ARID1B: variants seen among roughly 807,000 people sequenced by gnomAD.
ARID1B encodes the protein AT-rich interactive domain-containing protein 1B.
A neutral mutation model predicts 212.3 loss-of-function variants in ARID1B; 30 were observed. The observed-to-expected ratio is 0.14, with a 90% CI of 0.11 to 0.19. The LOEUF is 0.19. Ranked by LOEUF, ARID1B falls within the 10% of genes least tolerant of loss-of-function variation. The pLI is 1.00. For synonymous variants in ARID1B, 1,402 were observed against 1,301.7 expected (o/e 1.08, Z -1.66); for missense variants, 2,891 against 3,204.0 (o/e 0.90, Z 2.36).
chr6:156,843,909 C>G (rs1204238312), intron 2 of ARID1B, among the ~76,000 whole-genome samples: 3 of 152,092 alleles, frequency 2.0e-5, no homozygotes, highest in Non-Finnish European at 4.4e-5. Flanking sequence ...GATCTATGGA[C>G]TATACTCTGG....
At chr6:157,026,702 G>T (rs780408966) in intron 4 of ARID1B, among the ~76,000 whole-genome samples, 2 of 152,030 alleles carry the variant, frequency 1.3e-5, no homozygotes, top group African/African-American at 4.8e-5. Context: ...TTTTTGAGAT[G>T]GGGGGGTCTC....
chr6:157,196,285 A>T lies in ARID1B; in HGVS notation c.4352A>T (p.Gln1451Leu), dbSNP rs768938099. ...MSNLGMGQRQ[Q>L]FPYGASYDRR... ...AACCTGGGCATGGGGCAGCGCCAGC[A>T]GTTTCCCTATGGAGCCAGTTACGAC... The change falls in exon 16 of 20, where the codon CAG becomes CTG. Residue 1451 changes from glutamine (Q) to leucine (L), a missense_variant. Coordinates refer to ENST00000636930, the MANE Select transcript of ARID1B (RefSeq NM_001374828.1). 6.2e-7 allele frequency: 1 copy of T among 1,602,892 alleles called. No individual in the cohort carries two copies. The highest frequency in any genetic ancestry group is 1.3e-5 in the African/African-American group (1 of 74,174).
At chr6:156,838,946 C>A (rs116776429) in intron 2 of ARID1B, among the ~76,000 whole-genome samples, 1,609 of 152,082 alleles carry the variant, frequency 0.011, 29 homozygotes, top group African/African-American at 0.036. Context: ...CCAGTAGGAT[C>A]TTCAGGCATC....
At chr6:156,805,729 G>A (rs963236665) in intron 1 of ARID1B, among the ~76,000 whole-genome samples, 1 of 152,048 alleles carries the variant, frequency 6.6e-6, no homozygotes, top group African/African-American at 2.4e-5. Flanking sequence ...ACAGTGGAGT[G>A]CAGTGGCACC....
chr6:157,127,783 C>CA (rs61172896), intron 6 of ARID1B, among the ~76,000 whole-genome samples: 4,254 of 55,860 alleles, frequency 0.076, 286 homozygotes, highest in African/African-American at 0.14. Context: ...GACTCTGTCT[C>CA]AAAAAAAAAA....
chr6:156,827,941 A>G (rs1003269043), intron 1 of ARID1B, among the ~76,000 whole-genome samples: 1 of 150,856 alleles, frequency 6.6e-6, no homozygotes, highest in African/African-American at 2.4e-5. Flanking sequence ...TTGTATTTTT[A>G]GTAGAGACGG....
intron 5 of ARID1B, among the ~76,000 whole-genome samples, chr6:157,104,690 A>G (rs1786333038): frequency 6.6e-6 from 1 of 152,238 alleles, no homozygotes; most frequent in Non-Finnish European, 1.5e-5. Flanking sequence ...TAAACTTAAC[A>G]TAAAATATAC....
chr6:157,050,785 G>T (rs1353016690), intron 4 of ARID1B, among the ~76,000 whole-genome samples: 1 of 152,128 alleles, frequency 6.6e-6, no homozygotes, highest in Non-Finnish European at 1.5e-5. Context: ...ACAGTGGAAA[G>T]GTTTATGATG....
intron 2 of ARID1B, among the ~76,000 whole-genome samples, chr6:156,838,869 T>C (rs1329424049): frequency 6.6e-6 from 1 of 152,064 alleles, no homozygotes; most frequent in Non-Finnish European, 1.5e-5. Context: ...CCTCAGATAC[T>C]CTCTTAAAAG....
intron 4 of ARID1B, among the ~76,000 whole-genome samples, chr6:157,041,692 G>C (rs1781886944): frequency 6.6e-6 from 1 of 152,112 alleles, no homozygotes; most frequent in African/African-American, 2.4e-5. Context: ...TCAAGTTCAC[G>C]CAACCAATCA....
rs146393328 is a variant in ARID1B, at chr6:156,801,389, C to G, written c.1791+21918C>G. On this transcript the variant is annotated intron_variant, in intron 1 of 19. Coordinates refer to ENST00000636930, the MANE Select transcript of ARID1B (RefSeq NM_001374828.1). Reference sequence around the variant, plus strand: ...TAATTTTTTGTATTTTTAGTAGGGACGGGGTTTCATCATCTTGGCTGGGCT... The same window carrying G: ...TAATTTTTTGTATTTTTAGTAGGGAGGGGGTTTCATCATCTTGGCTGGGCT... Among the ~76,000 whole-genome samples, 519 of 151,626 alleles carry G rather than the reference C, an allele frequency of 3.4e-3. 5 individuals carry two copies. Among genetic ancestry groups the G allele is most frequent in the African/African-American group, 0.012 (502 of 41,334 alleles).
chr6:156,822,417 A>C (rs1782416410), intron 1 of ARID1B, among the ~76,000 whole-genome samples: 1 of 152,188 alleles, frequency 6.6e-6, no homozygotes, highest in Non-Finnish European at 1.5e-5. Flanking sequence ...GGGACTGTGG[A>C]CCCGAGTTGG....
At chr6:157,018,934 A>G (rs1369218597) in intron 4 of ARID1B, among the ~76,000 whole-genome samples, 1 of 152,198 alleles carries the variant, frequency 6.6e-6, no homozygotes, top group Non-Finnish European at 1.5e-5. Flanking sequence ...CAAAGGGCAA[A>G]TGTACAGGGA....
At position 157,188,258 on chromosome 6, in the gene ARID1B, T is replaced by A. The variant is rs930438248; in HGVS notation, c.3920-1384T>A. Among the ~76,000 whole-genome samples the A allele has an allele frequency of 3.9e-5, 6 of 151,990 alleles. No homozygotes were observed. In the East Asian group the frequency reaches 9.6e-4, roughly 24 times the overall value. On this transcript the variant is annotated intron_variant, in intron 13 of 19. Transcript: ENST00000636930. ...TTTAAAAAAGTCAGTCTTTGTGGCA[T>A]CTCTGAGAACTTCTCTAAGTCATTC... is the stretch of plus-strand genomic sequence containing the variant.
At chr6:156,826,526 A>C (rs181317584) in intron 1 of ARID1B, among the ~76,000 whole-genome samples, 1 of 152,314 alleles carries the variant, frequency 6.6e-6, no homozygotes, top group South Asian at 2.1e-4. Flanking sequence ...GGATTCACCA[A>C]ATCTTTAAAG....
intron 4 of ARID1B, among the ~76,000 whole-genome samples, chr6:156,998,323 C>T (rs1358270672): frequency 2.6e-5 from 4 of 151,520 alleles, no homozygotes; most frequent in Non-Finnish European, 4.4e-5. Context: ...CAGGTTCAAG[C>T]GATTCTCCTG....
At chr6:156,797,065 T>C (rs1008473255) in intron 1 of ARID1B, among the ~76,000 whole-genome samples, 1 of 152,222 alleles carries the variant, frequency 6.6e-6, no homozygotes, top group Non-Finnish European at 1.5e-5. Context: ...AGCTGCCAGA[T>C]ACCATGCCCC....
intron 4 of ARID1B, chr6:157,022,654 C>T (rs1477040436): frequency 3.9e-5 from 6 of 152,198 alleles, no homozygotes; most frequent in Non-Finnish European, 5.9e-5. Flanking sequence ...CAATCAGCGA[C>T]GGCCACTTTG....
At chr6:157,198,541 G>T (rs1793892991) in intron 16 of ARID1B, 1 of 444,402 alleles carries the variant, frequency 2.3e-6, no homozygotes, top group Non-Finnish European at 4.1e-6. Flanking sequence ...TGCTTACAGG[G>T]TGCCTGCCTG....
Sources: gnomAD v4.1 joint callset for allele counts (sites outside exome capture counted in the v4.1 genomes callset) on GRCh38, gnomAD v4.1.1 for gene constraint, MANE v1.5 for transcripts, NCBI Gene and HGNC (gene_info 2026-07-23, HGNC 2026-07-21) for gene names.